The following FAM83D variants were observed in gnomAD, a reference collection of about 807,000 sequenced individuals.
FAM83D encodes protein FAM83D.
A neutral mutation model predicts 25.4 loss-of-function variants in FAM83D; 26 were observed. That is an observed-to-expected ratio of 1.02 (90% CI 0.75 to 1.42). The LOEUF is 1.42. FAM83D is among the 40% of genes most tolerant of loss of function. The probability of loss-of-function intolerance (pLI) is 0.00; values close to 1 mark genes in which losing one functional copy is unlikely to be tolerated. For missense variants in FAM83D, 740 were observed against 758.1 expected, an observed-to-expected ratio of 0.98 and a Z score of 0.28; for synonymous variants, 310 against 318.5, an observed-to-expected ratio of 0.97 and a Z score of 0.28.
chr20:38,926,496 G>A lies in FAM83D; in HGVS notation c.54G>A (p.Pro18=). 2 of 1,596,864 alleles carry A rather than the reference G, an allele frequency of 1.3e-6. No homozygotes were observed. Among genetic ancestry groups the A allele is most frequent in the Non-Finnish European group, 8.5e-7 (1 of 1,178,030 alleles). The part of the protein sequence containing the change: ...LDEVPAACLS[P]CGPPNPTELF... ...AGGTGCCCGCCGCCTGCCTGTCGCC[G>A]TGCGGGCCGCCCAACCCGACCGAGC... Residue 18 remains proline (P), a synonymous_variant, in exon 1 of 4, where the codon CCG becomes CCA. Transcript: ENST00000619850.
chr20:38,952,385 G>T lies in FAM83D; in HGVS notation c.1623G>T (p.Arg541=). 6.2e-7 allele frequency: 1 copy of T among 1,614,164 alleles called. No homozygotes were observed. Among genetic ancestry groups the T allele is most frequent in the Middle Eastern group, 1.6e-4 (1 of 6,062 alleles). The part of the protein sequence containing the change: ...RQFHFAGIRS[R]LNHMLAMLSR... ...TCCACTTCGCTGGTATCAGGTCCCG[G>T]CTCAACCACATGCTGGCTATGCTGT... The change falls in exon 4 of 4, where the codon CGG becomes CGT. Residue 541 remains arginine (R), a synonymous_variant. Coordinates refer to ENST00000619850, the MANE Select transcript of FAM83D (RefSeq NM_030919.3).
chr20:38,945,841 A>G (rs1278647601), intron 2 of FAM83D, among the ~76,000 whole-genome samples: 4 of 143,734 alleles, frequency 2.8e-5, no homozygotes, highest in Non-Finnish European at 6.0e-5. Context: ...ATCCTCTTGC[A>G]TCAACCAGCC....
intron 1 of FAM83D, among the ~76,000 whole-genome samples, chr20:38,928,593 G>A (rs966191162): frequency 6.6e-6 from 1 of 152,216 alleles, no homozygotes; most frequent in African/African-American, 2.4e-5. Flanking sequence ...GAACTGGTCT[G>A]TATAGTGAGA....
At chr20:38,935,053 T>G (rs1198378847) in intron 1 of FAM83D, among the ~76,000 whole-genome samples, 5 of 152,186 alleles carry the variant, frequency 3.3e-5, no homozygotes, top group South Asian at 2.1e-4. Flanking sequence ...TATATACACC[T>G]GTGTATACTT....
rs2085761310 is a variant in FAM83D, at chr20:38,952,530, G to A, written c.*10G>A. 1.9e-6 allele frequency: 3 copies of A among 1,604,100 alleles called. No homozygotes were observed. The highest frequency in any genetic ancestry group is 2.6e-6 in the Non-Finnish European group (3 of 1,173,576). ...TCCTTCCTATCAGTAACTGCTCCGT[G>A]TTCAGACTCCTGGTTTCTTCCAGGC... On this transcript the variant is annotated 3_prime_UTR_variant, in exon 4 of 4. Transcript: ENST00000619850.
chr20:38,943,272 C>T (rs946894791), intron 2 of FAM83D, among the ~76,000 whole-genome samples: 1 of 152,202 alleles, frequency 6.6e-6, no homozygotes, highest in Non-Finnish European at 1.5e-5. Flanking sequence ...GATCTGCCTG[C>T]CTCGGCCTCC....
At position 38,930,702 on chromosome 20, in the gene FAM83D, C is replaced by T. The variant is rs145115402; in HGVS notation, c.483+3777C>T. On this transcript the variant is annotated intron_variant, in intron 1 of 3. Coordinates refer to ENST00000619850, the MANE Select transcript of FAM83D (RefSeq NM_030919.3). ...TGCTCTTTTGGCCCAGGCTGGAGTG[C>T]AGTGGCACAGTCTCAGCTCTCAGTA... Among the ~76,000 whole-genome samples the T allele has an allele frequency of 3.8e-3, 578 of 151,828 alleles. 2 individuals carry two copies. Among genetic ancestry groups the T allele is most frequent in the African/African-American group, 0.013 (554 of 41,358 alleles).
chr20:38,929,778 A>T (rs1277316783), intron 1 of FAM83D, among the ~76,000 whole-genome samples: 1 of 146,154 alleles, frequency 6.8e-6, no homozygotes, highest in East Asian at 2.0e-4. Context: ...ACACGGGGAG[A>T]CCCTGTCTCT....
At chr20:38,948,391 G>A (rs1286359338) in intron 3 of FAM83D, among the ~76,000 whole-genome samples, 1 of 152,200 alleles carries the variant, frequency 6.6e-6, no homozygotes, top group Non-Finnish European at 1.5e-5. Flanking sequence ...GGCAGTTGCA[G>A]GCATCTCCAT....
intron 1 of FAM83D, among the ~76,000 whole-genome samples, chr20:38,938,403 C>T (rs1054443332): frequency 4.6e-5 from 7 of 152,168 alleles, no homozygotes; most frequent in Admixed American, 6.5e-5. Flanking sequence ...CATTAGACTG[C>T]GTTCTTGAGG....
At position 38,926,887 on chromosome 20, in the gene FAM83D, A is replaced by C. The variant is rs1040344890; in HGVS notation, c.445A>C (p.Lys149Gln). ...TGGCGAAGGTGGCCCCTACGGCTGC[A>C]AGGACGCTCTGCGCCAGCAGCTCCG... The part of the protein sequence containing the change: ...GAGEGGPYGC[K>Q]DALRQQLRSA... Residue 149 changes from lysine to glutamine, a missense_variant, in exon 1 of 4, where the codon AAG becomes CAG. Lys to Gln is a moderately conservative substitution (Grantham distance 53). Coordinates refer to ENST00000619850, the MANE Select transcript of FAM83D (RefSeq NM_030919.3). 13 of 1,493,914 alleles carry C rather than the reference A, an allele frequency of 8.7e-6. No homozygotes were observed. The highest frequency in any genetic ancestry group is 2.6e-5 in the South Asian group (2 of 78,032). The allele number at this position is 1,493,914 out of a possible 1,614,324, so 92.5% of individuals were successfully genotyped here.
At chr20:38,934,664 C>T (rs191288539) in intron 1 of FAM83D, among the ~76,000 whole-genome samples, 16 of 152,106 alleles carry the variant, frequency 1.1e-4, no homozygotes, top group African/African-American at 4.8e-5. Flanking sequence ...ATAGGCCATG[C>T]GTTGCAACAC....
chr20:38,946,696 T>C (rs2085730062), intron 2 of FAM83D, among the ~76,000 whole-genome samples: 1 of 152,242 alleles, frequency 6.6e-6, no homozygotes, highest in Admixed American at 6.5e-5. Context: ...CTTTCAAGAT[T>C]TGCTTTTTTT....
At chr20:38,940,030 G>A (rs1253653501) in intron 1 of FAM83D, among the ~76,000 whole-genome samples, 1 of 152,202 alleles carries the variant, frequency 6.6e-6, no homozygotes, top group Non-Finnish European at 1.5e-5. Flanking sequence ...TTTAATTCCT[G>A]TTGTATGACC....
Position 38,941,939 on chromosome 20 carries a change from C to T in FAM83D, c.484-20C>T. 1.2e-6 allele frequency: 2 copies of T among 1,613,096 alleles called. No homozygotes were observed. Among genetic ancestry groups the T allele is most frequent in the East Asian group, 2.2e-5 (1 of 44,884 alleles). Reference sequence around the variant, plus strand: ...GTGTCCTATAAGCTTATCATGTGCTCTTCCCTGTTTCACCTGTAGGTGATT... The same window carrying T: ...GTGTCCTATAAGCTTATCATGTGCTTTTCCCTGTTTCACCTGTAGGTGATT... On this transcript the variant is annotated intron_variant, in intron 1 of 3. Coordinates refer to ENST00000619850, the MANE Select transcript of FAM83D (RefSeq NM_030919.3).
Position 38,942,193 on chromosome 20 carries a change from A to G in FAM83D, c.651+67A>G, listed in dbSNP as rs541514434. ...TATGACCAAGCATCCATTATCTACA[A>G]GCTGGCTGGTGGCGGTATCCCTGTT... On this transcript the variant is annotated intron_variant, in intron 2 of 3. Transcript: ENST00000619850. 3.9e-6 allele frequency: 6 copies of G among 1,556,540 alleles called. No homozygotes were observed. In the African/African-American group the frequency reaches 8.1e-5, roughly 21 times the overall value.
At position 38,951,522 on chromosome 20, in the gene FAM83D, T is replaced by A; in HGVS notation, c.777-17T>A. On this transcript the variant is annotated splice_polypyrimidine_tract_variant and intron_variant, in intron 3 of 3. Transcript: ENST00000619850. ...TCATCCTTACCAGCTGCTGTTTGTT[T>A]CTTTTTAATCTTTAAGTTTTACATG... The A allele has an allele frequency of 6.3e-7, 1 of 1,598,022 alleles. No homozygotes were observed. Among genetic ancestry groups the A allele is most frequent in the Non-Finnish European group, 8.5e-7 (1 of 1,171,650 alleles).
At chr20:38,928,653 A>T (rs1312023175) in intron 1 of FAM83D, among the ~76,000 whole-genome samples, 1 of 152,174 alleles carries the variant, frequency 6.6e-6, no homozygotes, top group African/African-American at 2.4e-5. Context: ...TAGTGATAGC[A>T]AAAGGGCACT....
intron 1 of FAM83D, among the ~76,000 whole-genome samples, chr20:38,940,700 T>TCTAA (rs1224534773): frequency 6.6e-6 from 1 of 152,180 alleles, no homozygotes; most frequent in African/African-American, 2.4e-5. Context: ...CCTGGAGGTT[T>TCTAA]GGACACCCCC....
Sources: allele counts gnomAD v4.1 joint callset (sites outside exome capture counted in the v4.1 genomes callset), GRCh38; gene constraint gnomAD v4.1.1; transcripts MANE v1.5; gene names NCBI Gene and HGNC (gene_info 2026-07-23, HGNC 2026-07-21).